The following CA5A variants were observed in gnomAD, a reference collection of about 807,000 sequenced individuals.
CA5A encodes the protein carbonic anhydrase 5A, mitochondrial.
Under a neutral mutation model 37.1 loss-of-function variants are expected in CA5A, and 28 were observed. The ratio of observed to expected loss-of-function variants is 0.75; its 90% CI spans 0.56 to 1.03. The LOEUF (loss-of-function observed/expected upper bound fraction) is 1.03, where lower values mean the gene tolerates loss of function less well. CA5A is among the 50% of genes least tolerant of loss of function. The pLI is 0.00. For missense variants in CA5A, 444 were observed against 399.9 expected (o/e 1.11, Z -0.94); for synonymous variants, 171 against 158.4 (o/e 1.08, Z -0.60).
At chr16:87,894,522 CATGCATCAGTTCT>C (rs1302150244) in intron 5 of CA5A, among the ~76,000 whole-genome samples, 2 of 151,658 alleles carry the variant, frequency 1.3e-5, no homozygotes, top group African/African-American at 2.4e-5. Flanking sequence ...CTGGCAGACA[CATGCATCAGTTCT>C]ATGCACGCAT....
rs145678279 is a variant in CA5A, at chr16:87,921,875, A to AT, written c.340+4872dup. On this transcript the variant is annotated intron_variant, in intron 2 of 6. Coordinates refer to ENST00000649794, the MANE Select transcript of CA5A (RefSeq NM_001739.2). Reference sequence around the variant, plus strand: ...GTGTGTTATTGTTATTATTATTATTATTATTTTTGAGAGACAGGATCTCGC... The same window carrying AT: ...GTGTGTTATTGTTATTATTATTATTATTTATTTTTGAGAGACAGGATCTCGC... 4.2e-3 allele frequency among the ~76,000 whole-genome samples: 613 copies of AT among 146,056 alleles called. 5 individuals are homozygous for AT. The highest frequency in any genetic ancestry group is 5.8e-3 in the Non-Finnish European group (393 of 67,836).
At chr16:87,916,584 C>T (rs1295653855) in intron 2 of CA5A, among the ~76,000 whole-genome samples, 1 of 152,214 alleles carries the variant, frequency 6.6e-6, no homozygotes, top group Admixed American at 6.5e-5. Flanking sequence ...TATCCAAAAC[C>T]ATCTTCTTTC....
chr16:87,911,535 A>T lies in CA5A; in HGVS notation c.341-6631T>A, dbSNP rs958834664. ...CTAATTACTGGAAATTTCAAATAAC[A>T]TGATGCTGCAAAGGACCGGCCTGCT... is the stretch of plus-strand genomic sequence containing the variant. On this transcript the variant is annotated intron_variant, in intron 2 of 6. Coordinates refer to ENST00000649794, the MANE Select transcript of CA5A (RefSeq NM_001739.2). The surrounding 1 kb of genome is among the most constrained non-coding windows in gnomAD (Gnocchi z 4.6). Among the ~76,000 whole-genome samples, 19 of 152,222 alleles carry T rather than the reference A, an allele frequency of 1.2e-4. No individual in the cohort carries two copies. The highest frequency in any genetic ancestry group is 4.6e-4 in the African/African-American group (19 of 41,472).
At chr16:87,932,025 A>G (rs1456541197) in intron 1 of CA5A, among the ~76,000 whole-genome samples, 4 of 152,104 alleles carry the variant, frequency 2.6e-5, no homozygotes, top group Non-Finnish European at 4.4e-5. Flanking sequence ...GAGGCAGGAG[A>G]ATCACTTGAA....
chr16:87,928,528 T>G (rs2056346651), intron 1 of CA5A, among the ~76,000 whole-genome samples: 1 of 152,172 alleles, frequency 6.6e-6, no homozygotes. Flanking sequence ...TATATTATCT[T>G]GTAAGTTGCC....
intron 2 of CA5A, among the ~76,000 whole-genome samples, chr16:87,918,319 T>C (rs1238396076): frequency 6.6e-6 from 1 of 152,162 alleles, no homozygotes; most frequent in Non-Finnish European, 1.5e-5. Flanking sequence ...ACAGGCACAG[T>C]GTGGCAGCGC....
intron 6 of CA5A, among the ~76,000 whole-genome samples, chr16:87,890,140 T>C (rs1210933465): frequency 2.0e-5 from 3 of 152,240 alleles, no homozygotes; most frequent in Non-Finnish European, 4.4e-5. Context: ...CCTGCATTTT[T>C]ATATGACACC....
chr16:87,888,208 T>C lies in CA5A; in HGVS notation c.839A>G (p.Asn280Ser), dbSNP rs1328193322. The change falls in exon 7 of 7, where the codon AAC becomes AGC. Residue 280 changes from asparagine to serine, a missense_variant. Transcript: ENST00000649794. ...CATCAAGGGTTGAAGTGGGCGATAG[T>C]TGTTCACCATCATCTTCTCCTCTTC... ...LGEEEKMMVNNYRPLQPLMNR... is the reference protein window; with the variant it reads ...LGEEEKMMVNSYRPLQPLMNR... The C allele has an allele frequency of 3.1e-6, 5 of 1,613,750 alleles. No homozygotes were observed. The East Asian group carries it at 6.7e-5, about 22-fold the overall frequency.
At chr16:87,898,596 CCT>C (rs1240717008) in intron 5 of CA5A, among the ~76,000 whole-genome samples, 1 of 152,226 alleles carries the variant, frequency 6.6e-6, no homozygotes. Context: ...GCAGCAGCAG[CCT>C]GTGCCTTCCA....
chr16:87,913,016 G>A (rs1597568104), intron 2 of CA5A, among the ~76,000 whole-genome samples: 1 of 150,778 alleles, frequency 6.6e-6, no homozygotes, highest in Non-Finnish European at 1.5e-5. Context: ...ACAGAGTCTC[G>A]CTCTGTCACC....
At chr16:87,923,537 A>G (rs1034327189) in intron 2 of CA5A, 1 of 985,012 alleles carries the variant, frequency 1.0e-6, no homozygotes, top group Non-Finnish European at 1.2e-6. Flanking sequence ...TCCTTCTAGG[A>G]GTAGTATCAG....
chr16:87,931,483 G>A (rs1285759312), intron 1 of CA5A, among the ~76,000 whole-genome samples: 5 of 152,108 alleles, frequency 3.3e-5, no homozygotes, highest in South Asian at 4.1e-4. Flanking sequence ...AAACCCTGGC[G>A]GCTCTCCCCA....
downstream of CA5A, chr16:87,888,007 A>C: frequency 1.4e-6 from 2 of 1,429,462 alleles, no homozygotes; most frequent in Non-Finnish European, 1.9e-6. Context: ...ACTTCGACTA[A>C]AACAATAACC....
At chr16:87,922,064 A>G (rs1056920733) in intron 2 of CA5A, among the ~76,000 whole-genome samples, 10 of 151,766 alleles carry the variant, frequency 6.6e-5, no homozygotes, top group Admixed American at 6.6e-5. Context: ...GTAGAGATGC[A>G]TTCTCGTTAC....
chr16:87,899,655 C>T (rs2055849272), intron 5 of CA5A, among the ~76,000 whole-genome samples: 3 of 150,006 alleles, frequency 2.0e-5, no homozygotes, highest in Admixed American at 2.0e-4. Context: ...TGCGGTGGTT[C>T]ACGCCGGTAA....
chr16:87,904,564 C>G (rs2055929317), intron 3 of CA5A, among the ~76,000 whole-genome samples: 1 of 152,216 alleles, frequency 6.6e-6, no homozygotes, highest in African/African-American at 2.4e-5. Flanking sequence ...GAACCTCAGT[C>G]TCTTCTTCCG....
chr16:87,912,532 A>C (rs1022611043), intron 2 of CA5A, among the ~76,000 whole-genome samples: 1 of 152,212 alleles, frequency 6.6e-6, no homozygotes, highest in African/African-American at 2.4e-5. Flanking sequence ...TCATCCGAAA[A>C]CACCCACTGA....
At chr16:87,916,701 G>C (rs1199012727) in intron 2 of CA5A, among the ~76,000 whole-genome samples, 1 of 152,194 alleles carries the variant, frequency 6.6e-6, no homozygotes, top group Non-Finnish European at 1.5e-5. Flanking sequence ...AGCTCCATGG[G>C]AGCAGGGGTT....
At chr16:87,926,668 C>T (rs2056315629) in intron 2 of CA5A, 80 bp downstream of exon 2, 29 of 1,127,392 alleles carry the variant, frequency 2.6e-5, no homozygotes, top group South Asian at 2.1e-4. Context: ...TGCTCTCCTC[C>T]CCCTTCTCCG....
Sources: allele counts gnomAD v4.1 joint callset (sites outside exome capture counted in the v4.1 genomes callset), GRCh38; gene constraint gnomAD v4.1.1; non-coding constraint Gnocchi (gnomAD v3.1); transcripts MANE v1.5; gene names NCBI Gene and HGNC (gene_info 2026-07-23, HGNC 2026-07-21).